HDHD5: variants seen among roughly 807,000 people sequenced by gnomAD.
The protein encoded by HDHD5 is haloacid dehalogenase-like hydrolase domain-containing 5.
Under a neutral mutation model 35.5 loss-of-function variants are expected in HDHD5, and 34 were observed. The ratio of observed to expected loss-of-function variants is 0.96; its 90% CI spans 0.73 to 1.28. The LOEUF (loss-of-function observed/expected upper bound fraction) is 1.28, where lower values mean the gene tolerates loss of function less well. Among genes scored for constraint, HDHD5 ranks in the 50% most tolerant of loss-of-function variants. The pLI, the probability that HDHD5 is intolerant of heterozygous loss-of-function variation, is 0.00. For synonymous variants in HDHD5, 248 were observed against 240.6 expected (o/e 1.03, Z -0.29); for missense variants, 589 against 560.2 (o/e 1.05, Z -0.52).
At chr22:17,159,295 C>G (rs1406523193), upstream of HDHD5, 10 of 1,236,798 alleles carry the variant, frequency 8.1e-6, no homozygotes, top group South Asian at 3.5e-5. Flanking sequence ...GGCCCCCCCC[C>G]CCCGCGAGTC....
At chr22:17,142,961 G>T in intron 5 of HDHD5, 137 bp downstream of exon 5, 1 of 827,606 alleles carries the variant, frequency 1.2e-6, no homozygotes, top group Admixed American at 2.8e-5. Context: ...GGCAGATCCA[G>T]ACCAGAGCCC....
At chr22:17,155,675 T>C (rs1048424285) in intron 1 of HDHD5, among the ~76,000 whole-genome samples, 18 of 152,198 alleles carry the variant, frequency 1.2e-4, no homozygotes, top group African/African-American at 4.1e-4. Flanking sequence ...ACCTTCAGGA[T>C]GTACACAGAG....
At chr22:17,145,812 C>A (rs1161578928) in intron 3 of HDHD5, among the ~76,000 whole-genome samples, 2 of 152,096 alleles carry the variant, frequency 1.3e-5, no homozygotes, top group Non-Finnish European at 2.9e-5. Context: ...CCTCAGTGGG[C>A]TGGGGAGTCC....
intron 1 of HDHD5, among the ~76,000 whole-genome samples, chr22:17,154,110 C>T (rs5748913): frequency 0.19 from 28,875 of 151,028 alleles, 3,544 homozygotes; most frequent in East Asian, 0.49. Context: ...AATCTGCCCA[C>T]CTCGGCCTCC....
At chr22:17,152,911 G>A (rs568430599) in intron 1 of HDHD5, among the ~76,000 whole-genome samples, 27 of 152,124 alleles carry the variant, frequency 1.8e-4, no homozygotes, top group African/African-American at 6.3e-4. Flanking sequence ...CTCCAAGCTT[G>A]GACAATGACA....
rs147754758 is a variant in HDHD5 at position 17,138,261 on chromosome 22, G to A, written c.1032C>T (p.Gly344=). 7 of 1,614,050 alleles carry A rather than the reference G, an allele frequency of 4.3e-6. No homozygotes were observed. Among genetic ancestry groups the A allele is most frequent in the African/African-American group, 1.3e-5 (1 of 74,902 alleles). The change falls in exon 8 of 8, where the codon GGC becomes GGT. Residue 344 remains glycine, a synonymous_variant. Transcript: ENST00000336737. ...TTGCTGAGGGCTGTTGCTGCCGTGTGCCCCCGGCCCCTAGTTCTGGCGCCC... is the reference window on the plus strand; with the variant it reads ...TTGCTGAGGGCTGTTGCTGCCGTGTACCCCCGGCCCCTAGTTCTGGCGCCC... The part of the protein sequence containing the change: ...HDGAPELGAG[G]TRQQQPSASQ...
chr22:17,153,978 C>T (rs2061756674), intron 1 of HDHD5, among the ~76,000 whole-genome samples: 1 of 151,982 alleles, frequency 6.6e-6, no homozygotes, highest in African/African-American at 2.4e-5. Flanking sequence ...ACCTCAGCCT[C>T]CCAAGTAGCT....
intron 1 of HDHD5, among the ~76,000 whole-genome samples, chr22:17,157,741 C>T (rs192079236): frequency 6.6e-6 from 1 of 152,314 alleles, no homozygotes; most frequent in East Asian, 1.9e-4. Context: ...GGCCAAGTCA[C>T]TCAGCTGCTT....
Position 17,138,550 on chromosome 22 carries a change from C to A in HDHD5, c.935G>T (p.Gly312Val), listed in dbSNP as rs2061561880. 3 of 1,613,478 alleles carry A rather than the reference C, an allele frequency of 1.9e-6. No individual in the cohort carries two copies. The highest frequency in any genetic ancestry group is 2.2e-5 in the East Asian group (1 of 44,882). The change falls in exon 7 of 8, where the codon GGT becomes GTT. Residue 312 changes from glycine to valine, a missense_variant and splice_region_variant. Gly to Val is a moderately radical substitution (Grantham distance 109). Coordinates refer to ENST00000336737, the MANE Select transcript of HDHD5 (RefSeq NM_033070.3). ...ACAAAGGAGGGAGAGCAGAGCCTAC[C>A]CCACAGCATAGAGCTTCCGGATGGG... ...AAPIRKLYAVGDNPMSDVYGA... is the reference protein window; with the variant it reads ...AAPIRKLYAVVDNPMSDVYGA...
rs201826876 is a variant in HDHD5 at position 17,145,099 on chromosome 22, G to A, written c.462C>T (p.Val154=). 4.5e-5 allele frequency: 72 copies of A among 1,614,014 alleles called. No individual in the cohort carries two copies. Among genetic ancestry groups the A allele is most frequent in the African/African-American group, 6.7e-5 (5 of 75,002 alleles). The change falls in exon 4 of 8, where the codon GTC becomes GTT. Residue 154 remains valine, a synonymous_variant. Coordinates refer to ENST00000336737, the MANE Select transcript of HDHD5 (RefSeq NM_033070.3). ...ENAQGLGFRN[V]VTVDELRMAF... ...CCATCCGCAGCTCATCCACGGTGAC[G>A]ACATTTCGGAAGCCCAGTCTGGAGC...
chr22:17,157,687 T>A (rs1470051814), intron 1 of HDHD5, among the ~76,000 whole-genome samples: 1 of 152,242 alleles, frequency 6.6e-6, no homozygotes, highest in Non-Finnish European at 1.5e-5. Flanking sequence ...CAACATATTC[T>A]AATTTCAAAC....
At chr22:17,157,762 C>T (rs2061815717) in intron 1 of HDHD5, among the ~76,000 whole-genome samples, 1 of 152,152 alleles carries the variant, frequency 6.6e-6, no homozygotes, top group Non-Finnish European at 1.5e-5. Flanking sequence ...TGAACCTTAG[C>T]TGCTCCATAT....
intron 1 of HDHD5, among the ~76,000 whole-genome samples, chr22:17,152,205 A>G (rs983690544): frequency 6.6e-6 from 1 of 152,190 alleles, no homozygotes; most frequent in Non-Finnish European, 1.5e-5. Context: ...TGAAAATGGA[A>G]AGTGGTATCA....
intron 2 of HDHD5, among the ~76,000 whole-genome samples, chr22:17,149,308 G>A (rs1483689685): frequency 6.6e-6 from 1 of 152,168 alleles, no homozygotes; most frequent in East Asian, 1.9e-4. Context: ...ACATGTGTGT[G>A]ACCTTTGCTT....
chr22:17,155,075 A>T (rs1359875721), intron 1 of HDHD5, among the ~76,000 whole-genome samples: 1 of 152,190 alleles, frequency 6.6e-6, no homozygotes, highest in Non-Finnish European at 1.5e-5. Flanking sequence ...ATCATTGCTC[A>T]ATCTGGGAGA....
At chr22:17,159,524 T>TA (rs775774309), upstream of HDHD5, 3 of 456,926 alleles carry the variant, frequency 6.6e-6, no homozygotes, top group South Asian at 4.7e-5. Context: ...GCGGCGTCCG[T>TA]ACTATCGCCC....
intron 1 of HDHD5, among the ~76,000 whole-genome samples, chr22:17,156,484 C>T (rs574862765): frequency 5.9e-5 from 9 of 151,918 alleles, no homozygotes; most frequent in African/African-American, 1.2e-4. Flanking sequence ...TGGTGGTGCA[C>T]ACCTGTAATT....
At chr22:17,165,221 G>T (rs2123889381) in exon 1 of HDHD5, 2 of 777,826 alleles carry the variant, frequency 2.6e-6, no homozygotes, top group Non-Finnish European at 2.4e-6. Flanking sequence ...GAGAGAAGCT[G>T]GGAAGAAAGA....
chr22:17,161,621 C>T (rs1167164851), upstream of HDHD5, among the ~76,000 whole-genome samples: 4 of 150,438 alleles, frequency 2.7e-5, no homozygotes, highest in Non-Finnish European at 5.9e-5. Flanking sequence ...GTAATCCCAA[C>T]ACTTGGGAAG....
Sources: gnomAD v4.1 joint callset for allele counts (sites outside exome capture counted in the v4.1 genomes callset) on GRCh38, gnomAD v4.1.1 for gene constraint, MANE v1.5 for transcripts, NCBI Gene and HGNC (gene_info 2026-07-23, HGNC 2026-07-21) for gene names.